The following PDE4D variants were observed in gnomAD, a reference collection of about 807,000 sequenced individuals.
The protein encoded by PDE4D is phosphodiesterase 4D, also known as 3',5'-cyclic-AMP phosphodiesterase 4D.
In PDE4D, 24 loss-of-function variants were observed where a neutral mutation model predicts 87.4. The observed-to-expected ratio is 0.27, with a 90% CI of 0.20 to 0.39. The LOEUF is 0.39. Among genes scored for constraint, PDE4D ranks in the 10% least tolerant of loss-of-function variants. PDE4D has a pLI of 1.00. For synonymous variants in PDE4D, 384 were observed against 383.2 expected, an observed-to-expected ratio of 1.00 and a Z score of -0.02; for missense variants, 714 against 1,041.0, an observed-to-expected ratio of 0.69 and a Z score of 4.32.
chr5:59,689,808 A>G (rs1750593034), intron 1 of PDE4D, among the ~76,000 whole-genome samples: 1 of 152,232 alleles, frequency 6.6e-6, no homozygotes, highest in Non-Finnish European at 1.5e-5. Context: ...ACATGATTGT[A>G]TATTTAGAAA....
intron 1 of PDE4D, among the ~76,000 whole-genome samples, chr5:59,773,915 A>C (rs1763824706): frequency 6.6e-6 from 1 of 152,162 alleles, no homozygotes; most frequent in Non-Finnish European, 1.5e-5. Flanking sequence ...CAAAGAAAAT[A>C]AATACTAAGA....
intron 1 of PDE4D, among the ~76,000 whole-genome samples, chr5:59,450,199 A>C (rs763364469): frequency 6.6e-6 from 1 of 152,256 alleles, no homozygotes; most frequent in Non-Finnish European, 1.5e-5. Flanking sequence ...AAGAGATAGC[A>C]TGTTACACAC....
At chr5:59,139,598 T>C (rs763832920) in intron 5 of PDE4D, among the ~76,000 whole-genome samples, 3 of 152,062 alleles carry the variant, frequency 2.0e-5, no homozygotes, top group Non-Finnish European at 2.9e-5. Context: ...GCCTCCCAAG[T>C]AGCTGGGACT....
intron 1 of PDE4D, among the ~76,000 whole-genome samples, chr5:59,636,220 G>T (rs926535129): frequency 6.6e-6 from 1 of 152,004 alleles, no homozygotes; most frequent in Non-Finnish European, 1.5e-5. Flanking sequence ...CACTGCCCAA[G>T]GAAATAAGAG....
chr5:59,925,694 C>T (rs1245264652), intron 3 of PDE4D, among the ~76,000 whole-genome samples: 1 of 151,592 alleles, frequency 6.6e-6, no homozygotes. Flanking sequence ...TAAATGGAAA[C>T]CAAAAAAGAA....
At chr5:60,042,242 C>T (rs933540899) in intron 2 of PDE4D, among the ~76,000 whole-genome samples, 1 of 152,118 alleles carries the variant, frequency 6.6e-6, no homozygotes, top group African/African-American at 2.4e-5. Flanking sequence ...AGACTGCCTT[C>T]CTAGATTCCT....
chr5:59,178,583 C>G (rs554709440), intron 5 of PDE4D, among the ~76,000 whole-genome samples: 2 of 152,222 alleles, frequency 1.3e-5, no homozygotes, highest in Admixed American at 1.3e-4. Context: ...CTACTCTCTC[C>G]TGTTAATCTG....
At chr5:59,030,422 C>CAAAAAAAAA (rs373275661) in intron 6 of PDE4D, among the ~76,000 whole-genome samples, 430 of 57,846 alleles carry the variant, frequency 7.4e-3, no homozygotes, top group Middle Eastern at 0.015. Flanking sequence ...AACAGAGATA[C>CAAAAAAAAA]AAAAAAAAAA....
chr5:59,834,780 C>T (rs1469465216), intron 1 of PDE4D, among the ~76,000 whole-genome samples: 1 of 152,036 alleles, frequency 6.6e-6, no homozygotes, highest in Admixed American at 6.6e-5. Context: ...TAATGAACAG[C>T]ATATTAGGTA....
intron 3 of PDE4D, among the ~76,000 whole-genome samples, chr5:59,963,870 G>C (rs186982089): frequency 1.3e-4 from 20 of 152,198 alleles, no homozygotes; most frequent in African/African-American, 4.6e-4. Flanking sequence ...ACTGATGAAG[G>C]GATGGAACTC....
intron 5 of PDE4D, among the ~76,000 whole-genome samples, chr5:59,154,835 T>G (rs2409628): frequency 0.89 from 135,866 of 152,222 alleles, 61,057 homozygotes; most frequent in African/African-American, 0.96. Context: ...ACAGTGAGCT[T>G]AAATCTTGCC....
chr5:59,004,727 G>A (rs1238402669), intron 6 of PDE4D, among the ~76,000 whole-genome samples: 1 of 152,188 alleles, frequency 6.6e-6, no homozygotes, highest in African/African-American at 2.4e-5. Flanking sequence ...AATAGCTGCT[G>A]GGACTTTTTG....
chr5:59,089,285 C>T (rs967320166), intron 5 of PDE4D, among the ~76,000 whole-genome samples: 3 of 74,050 alleles, frequency 4.1e-5, no homozygotes, highest in African/African-American at 1.8e-4. Flanking sequence ...GCTCTGACTA[C>T]AATACTGATT....
chr5:59,054,784 G>A (rs1210914564), intron 5 of PDE4D, among the ~76,000 whole-genome samples: 1 of 151,972 alleles, frequency 6.6e-6, no homozygotes, highest in Non-Finnish European at 1.5e-5. Context: ...AGTATTAATT[G>A]TGACCCCTTA....
chr5:60,143,582 G>C (rs926198520), intron 2 of PDE4D, among the ~76,000 whole-genome samples: 3 of 146,934 alleles, frequency 2.0e-5, no homozygotes, highest in African/African-American at 5.2e-5. Context: ...TGGTATAAAT[G>C]ACCTAGGAGC....
At chr5:59,985,846 CA>C (rs1386970930) in intron 3 of PDE4D, among the ~76,000 whole-genome samples, 1 of 152,168 alleles carries the variant, frequency 6.6e-6, no homozygotes, top group Non-Finnish European at 1.5e-5. Flanking sequence ...CATCTGTATA[CA>C]TGAGTTTCAC....
chr5:59,041,340 G>A (rs959906367), intron 5 of PDE4D, among the ~76,000 whole-genome samples: 2 of 152,050 alleles, frequency 1.3e-5, no homozygotes, highest in African/African-American at 4.8e-5. Flanking sequence ...CAATACTTTC[G>A]CCTATGGCTC....
At chr5:60,385,338 A>G (rs1267071461) in intron 1 of PDE4D, among the ~76,000 whole-genome samples, 1 of 152,240 alleles carries the variant, frequency 6.6e-6, no homozygotes, top group African/African-American at 2.4e-5. Context: ...GATATTATAC[A>G]AAACCTGCTG....
At chr5:59,467,199 T>C (rs984788298) in intron 1 of PDE4D, among the ~76,000 whole-genome samples, 7 of 152,202 alleles carry the variant, frequency 4.6e-5, no homozygotes, top group African/African-American at 1.4e-4. Context: ...TCCTACTATT[T>C]ACGCTTGCAG....
Sources: gnomAD v4.1 joint callset for allele counts (sites outside exome capture counted in the v4.1 genomes callset) on GRCh38, gnomAD v4.1.1 for gene constraint, MANE v1.5 for transcripts, NCBI Gene and HGNC (gene_info 2026-07-23, HGNC 2026-07-21) for gene names.